Variants in FIGNL2 observed in about 807,000 individuals in gnomAD.
FIGNL2 encodes the protein fidgetin like 2, also known as fidgetin-like protein 2.
For synonymous variants in FIGNL2, 565 were observed against 484.0 expected (o/e 1.17, Z -2.20); for missense variants, 1,060 against 950.2 (o/e 1.12, Z -1.52).
intron 1 of FIGNL2, chr12:51,847,070 A>G: frequency 2.0e-6 from 2 of 984,764 alleles, no homozygotes; most frequent in Non-Finnish European, 2.4e-6. Context: ...CCCGCGTCCC[A>G]CAGCTGGGTG....
rs147087811 is a variant in FIGNL2, at chr12:51,840,942, T to C, written c.-12+7598A>G. The stretch of plus-strand genomic sequence containing the variant: ...TTAAGCTTTAAAGTCTGGGTGATCC[T>C]GTGTGCCCTAGCCCCAAATATGGCC... On this transcript the variant is annotated intron_variant, in intron 1 of 1. Coordinates refer to ENST00000618634, the MANE Select transcript of FIGNL2 (RefSeq NM_001384995.1). Among the ~76,000 whole-genome samples the C allele has an allele frequency of 1.7e-3, 264 of 152,336 alleles. 1 individual carries two copies. Among genetic ancestry groups the C allele is most frequent in the African/African-American group, 5.6e-3 (234 of 41,576 alleles).
At chr12:51,838,726 C>G (rs1939615612) in intron 1 of FIGNL2, among the ~76,000 whole-genome samples, 1 of 152,156 alleles carries the variant, frequency 6.6e-6, no homozygotes, top group African/African-American at 2.4e-5. Context: ...AGGGCAGGCT[C>G]CAACTCGCTC....
chr12:51,834,688 GCTGA>G (rs1565946567), intron 1 of FIGNL2, among the ~76,000 whole-genome samples: 1 of 152,234 alleles, frequency 6.6e-6, no homozygotes. Flanking sequence ...GCGTGCACAC[GCTGA>G]CGGGAGGGGA....
intron 1 of FIGNL2, chr12:51,848,157 C>A: frequency 1.0e-6 from 1 of 985,110 alleles, no homozygotes; most frequent in Non-Finnish European, 1.2e-6. Flanking sequence ...CCCTCGGGCT[C>A]CGGACGCTGG....
In FIGNL2 at chr12:51,820,581, G is replaced by A. The variant is rs1939152342; in HGVS notation, c.1833C>T (p.Leu611=). Residue 611 remains leucine (L), a synonymous_variant, in exon 2 of 2, where the codon CTC becomes CTT. Coordinates refer to ENST00000618634, the MANE Select transcript of FIGNL2 (RefSeq NM_001384995.1). ...AGGAGAGGGGGCGCTGCAGCCCCGG[G>A]AGGCCCGCCCCGGCCGCCGCCTGCT... ...LCQQAAAGAG[L]PGLQRPLSYK... 2 of 1,527,952 alleles carry A rather than the reference G, an allele frequency of 1.3e-6. No homozygotes were observed. The highest frequency in any genetic ancestry group is 1.2e-5 in the South Asian group (1 of 83,750). 94.6% of individuals were successfully genotyped at this position (1,527,952 alleles called of 1,614,324 possible).
intron 1 of FIGNL2, chr12:51,847,173 C>G: frequency 1.0e-6 from 1 of 985,358 alleles, no homozygotes; most frequent in Non-Finnish European, 1.2e-6. Context: ...CTGAGAGGCT[C>G]GGGGAGGCTT....
At chr12:51,834,109 T>TGGATGGA (rs750053394) in intron 1 of FIGNL2, among the ~76,000 whole-genome samples, 19 of 133,996 alleles carry the variant, frequency 1.4e-4, no homozygotes, top group South Asian at 7.5e-4. Flanking sequence ...GGATGGATGG[T>TGGATGGA]TGGATGGATG....
chr12:51,839,126 G>A (rs867221590), intron 1 of FIGNL2, among the ~76,000 whole-genome samples: 15 of 128,794 alleles, frequency 1.2e-4, no homozygotes, highest in Non-Finnish European at 1.9e-4. Flanking sequence ...CCTGCTTCAA[G>A]TCCCTCCTGA....
chr12:51,834,127 G>GAATGGACA (rs1939537957), intron 1 of FIGNL2, among the ~76,000 whole-genome samples: 7 of 148,904 alleles, frequency 4.7e-5, no homozygotes, highest in Non-Finnish European at 8.8e-5. Flanking sequence ...ATGGATGGAT[G>GAATGGACA]GATGGATGGA....
intron 1 of FIGNL2, among the ~76,000 whole-genome samples, chr12:51,833,187 A>G (rs766396496): frequency 2.6e-5 from 4 of 151,956 alleles, no homozygotes; most frequent in Non-Finnish European, 5.9e-5. Context: ...AGTTGGGACC[A>G]TAGGTGTGGT....
chr12:51,844,836 C>T (rs1210350300), intron 1 of FIGNL2: 2 of 985,290 alleles, frequency 2.0e-6, no homozygotes, highest in Non-Finnish European at 2.4e-6. Context: ...CACTTAAAGG[C>T]TGGCCTAGTG....
intron 1 of FIGNL2, among the ~76,000 whole-genome samples, chr12:51,846,301 T>G (rs1476648319): frequency 1.3e-5 from 2 of 151,980 alleles, no homozygotes; most frequent in Non-Finnish European, 2.9e-5. Flanking sequence ...GGGGAGGTGA[T>G]GCGGAGGAGG....
chr12:51,820,928 GC>G lies in FIGNL2; in HGVS notation c.1485del (p.Leu496CysfsTer194). 7.6e-7 allele frequency: 1 copy of G among 1,319,510 alleles called. No homozygotes were observed. The highest frequency in any genetic ancestry group is 9.6e-7 in the Non-Finnish European group (1 of 1,042,796). 81.7% of individuals were successfully genotyped at this position (1,319,510 alleles called of 1,614,324 possible). On this transcript the variant is annotated frameshift_variant, in exon 2 of 2. Transcript: ENST00000618634. LOFTEE classifies it low-confidence loss of function (END_TRUNC). ...PSVLLISELE[A>X]LLPARDDGAA... ...GCGCCGTCGTCCCGGGCGGGGAGCA[GC>G]GCCTCTAGCTCGCTGATGAGGAGTA...
intron 1 of FIGNL2, among the ~76,000 whole-genome samples, chr12:51,830,659 T>G (rs1939437341): frequency 6.6e-6 from 1 of 151,540 alleles, no homozygotes; most frequent in Admixed American, 6.6e-5. Context: ...ACCCAGCTAA[T>G]TTTCTGTATT....
In FIGNL2 at chr12:51,820,981, G is replaced by T. The variant is rs568749820; in HGVS notation, c.1433C>A (p.Ala478Glu). The change falls in exon 2 of 2, where the codon GCG (alanine) becomes GAG (glutamate). Residue 478 changes from alanine to glutamate, a missense_variant. Ala to Glu is a moderately radical substitution (Grantham distance 107, BLOSUM62 -1). Coordinates refer to ENST00000618634, the MANE Select transcript of FIGNL2 (RefSeq NM_001384995.1). ...GGAGGGTGGGCGGCAGCGCGCGGCC[G>T]CGAAGGCGGCCTGGAGGAGGCGCGC... is the stretch of plus-strand genomic sequence containing the variant. ...EGARLLQAAF[A>E]AARCRPPSVL... 1,981 of 1,213,694 alleles carry T rather than the reference G, an allele frequency of 1.6e-3. 25 individuals are homozygous for T. The African/African-American group carries it at 0.029, about 18-fold the overall frequency. The allele number at this position is 1,213,694 out of a possible 1,614,324, so 75.2% of individuals were successfully genotyped here.
At chr12:51,833,620 C>T (rs145036609) in intron 1 of FIGNL2, among the ~76,000 whole-genome samples, 15 of 152,284 alleles carry the variant, frequency 9.9e-5, no homozygotes, top group Non-Finnish European at 5.9e-5. Flanking sequence ...CCTCCCGCCA[C>T]GCTGCTTTCC....
At chr12:51,836,849 G>A (rs11169923) in intron 1 of FIGNL2, among the ~76,000 whole-genome samples, 2 of 151,962 alleles carry the variant, frequency 1.3e-5, no homozygotes, top group Non-Finnish European at 2.9e-5. Flanking sequence ...GGTCTGAGCA[G>A]GGTGGACACC....
At position 51,820,512 on chromosome 12, in the gene FIGNL2, G is replaced by C; in HGVS notation, c.1902C>G (p.Ala634=). The C allele has an allele frequency of 1.3e-6, 2 of 1,575,726 alleles. No homozygotes were observed. The highest frequency in any genetic ancestry group is 2.3e-5 in the East Asian group (1 of 43,566). Residue 634 remains alanine (A), a synonymous_variant, in exon 2 of 2, where the codon GCC becomes GCG. Coordinates refer to ENST00000618634, the MANE Select transcript of FIGNL2 (RefSeq NM_001384995.1). ...CGAACGAGTCCAGTTCCTTGGCAGA[G>C]GCCCTAGGGCCCACCTTGGCCAGCG... The part of the protein sequence containing the change: ...EAALAKVGPR[A]SAKELDSFVE...
chr12:51,831,792 C>T (rs1054885877), intron 1 of FIGNL2: 12 of 154,372 alleles, frequency 7.8e-5, no homozygotes, highest in African/African-American at 2.9e-4. Flanking sequence ...TCACTCTCAT[C>T]AGCTCGCAAA....
Sources: allele counts gnomAD v4.1 joint callset (sites outside exome capture counted in the v4.1 genomes callset), GRCh38; gene constraint gnomAD v4.1.1; transcripts MANE v1.5; gene names NCBI Gene and HGNC (gene_info 2026-07-23, HGNC 2026-07-21).